LRP5: variants seen among roughly 807,000 people sequenced by gnomAD.
LRP5 encodes the protein LDL receptor related protein 5.
In LRP5, 62 loss-of-function variants were observed where a neutral mutation model predicts 154.1. The observed-to-expected ratio is 0.40, with a 90% confidence interval of 0.33 to 0.50. The LOEUF (loss-of-function observed/expected upper bound fraction) is 0.50. LRP5 is among the 20% of genes least tolerant of loss of function. The probability of loss-of-function intolerance (pLI) is 0.55; values close to 1 mark genes in which losing one functional copy is unlikely to be tolerated. For synonymous variants in LRP5, 966 were observed against 1,011.5 expected (o/e 0.96, Z 0.85); for missense variants, 1,915 against 2,336.7 (o/e 0.82, Z 3.72).
chr11:68,416,221 C>G (rs539596848), intron 12 of LRP5, 107 bp from the exon 13 acceptor site: 7 of 922,994 alleles, frequency 7.6e-6, no homozygotes, highest in Non-Finnish European at 1.2e-5. Flanking sequence ...GGACCTCCAG[C>G]GGGGCAGATG....
chr11:68,300,430 G>A, the LRP5 span, among the ~76,000 whole-genome samples: 1 of 149,240 alleles, frequency 6.7e-6, no homozygotes, highest in African/African-American at 2.4e-5. Context: ...AGGAATCAGG[G>A]GCATTAAGGT....
chr11:68,381,540 G>T (rs114849264), intron 5 of LRP5, among the ~76,000 whole-genome samples: 2 of 152,242 alleles, frequency 1.3e-5, no homozygotes, highest in Admixed American at 1.3e-4. Context: ...AAGGGATGTC[G>T]CCCTTCTCTC....
intron 1 of LRP5, among the ~76,000 whole-genome samples, chr11:68,321,014 C>T (rs1438728218): frequency 1.3e-5 from 2 of 148,848 alleles, no homozygotes; most frequent in Non-Finnish European, 3.0e-5. Flanking sequence ...TCTTCCAGGA[C>T]TGTTACTGTT....
chr11:68,409,691 A>G (rs1369189870), intron 9 of LRP5, among the ~76,000 whole-genome samples: 1 of 148,318 alleles, frequency 6.7e-6, no homozygotes, highest in East Asian at 2.0e-4. Flanking sequence ...TACTAAGAAT[A>G]CAAAAAAATT....
At chr11:68,399,687 G>A (rs193268539) in intron 7 of LRP5, among the ~76,000 whole-genome samples, 3 of 152,280 alleles carry the variant, frequency 2.0e-5, no homozygotes, top group African/African-American at 4.8e-5. Flanking sequence ...GGCTTGGCTC[G>A]GCTCAGGCAT....
rs368976719 is a variant in LRP5 at position 68,345,675 on chromosome 11, G to A, written c.92-2172G>A. The stretch of plus-strand genomic sequence containing the variant: ...GTGTCCCTGTTTTCAGTTCTTTTGG[G>A]TATATAACCCAAAGCGAAATTGCTG... On this transcript the variant is annotated intron_variant, in intron 1 of 22. Transcript: ENST00000294304. 3.5e-4 allele frequency among the ~76,000 whole-genome samples: 53 copies of A among 152,258 alleles called. No homozygotes were observed. The South Asian group carries it at 4.4e-3, about 13-fold the overall frequency.
the LRP5 span, among the ~76,000 whole-genome samples, chr11:68,298,442 T>C: frequency 1.3e-5 from 2 of 152,210 alleles, no homozygotes; most frequent in Non-Finnish European, 2.9e-5. Flanking sequence ...TACCAACATG[T>C]AGGGAAAACC....
intron 1 of LRP5, among the ~76,000 whole-genome samples, chr11:68,336,631 G>A (rs555822270): frequency 2.0e-5 from 3 of 152,156 alleles, no homozygotes; most frequent in African/African-American, 7.2e-5. Context: ...ACCACATCTG[G>A]CTAATTTTTG....
intron 21 of LRP5, among the ~76,000 whole-genome samples, chr11:68,444,602 G>A (rs2098680457): frequency 8.1e-6 from 1 of 124,036 alleles, no homozygotes; most frequent in Non-Finnish European, 1.6e-5. Flanking sequence ...CCGAGATCCA[G>A]TCCTCTTTGA....
At position 68,413,071 on chromosome 11, in the gene LRP5, G is replaced by C; in HGVS notation, c.2504-618G>C. 1 of 188,166 alleles carries C rather than the reference G, an allele frequency of 5.3e-6. No homozygotes were observed. Among genetic ancestry groups the C allele is most frequent in the Non-Finnish European group, 1.1e-5 (1 of 89,120 alleles). 11.7% of individuals were successfully genotyped at this position (188,166 alleles called of 1,614,324 possible). A position where few individuals can be genotyped will look rare whatever the true frequency, so the allele number is the denominator to read the frequency against. ...AAGGTTTGCACGTGACTTCGTGACC[G>C]TCACCCAGCTCTGCAGCACATCCCG... On this transcript the variant is annotated intron_variant, in intron 11 of 22. Transcript: ENST00000294304. The surrounding 1 kb of genome is among the most constrained non-coding windows in gnomAD (Gnocchi z 5.1).
In LRP5 at chr11:68,347,696, T is replaced by C. The variant is rs1017208151; in HGVS notation, c.92-151T>C. ...GGCCGGGGCTGCCCAGGCAACTTCC[T>C]GACAACGCCTTAGGGGTGGGAGGAA... On this transcript the variant is annotated intron_variant, in intron 1 of 22. Coordinates refer to ENST00000294304, the MANE Select transcript of LRP5 (RefSeq NM_002335.4). The C allele has an allele frequency of 4.1e-6, 4 of 966,254 alleles. No individual in the cohort carries two copies. The Admixed American group carries it at 5.7e-5, about 14-fold the overall frequency. The allele number at this position is 966,254 out of a possible 1,614,324, so 59.9% of individuals were successfully genotyped here. A position where few individuals can be genotyped will look rare whatever the true frequency, so the allele number is the denominator to read the frequency against.
rs750568668 is a variant in LRP5, at chr11:68,410,898, T to TTTTAGAG, written c.2319-538_2319-537insTTTAGAG. 5.8e-4 allele frequency among the ~76,000 whole-genome samples: 89 copies of TTTTAGAG among 152,178 alleles called. No homozygotes were observed. In the Middle Eastern group the frequency reaches 0.014, roughly 23 times the overall value. ...AGGATGGCAGGACAACAGAAAGAGG[T>TTTTAGAG]CCAGGTTTTAGAGCAAGGGCAGGTC... On this transcript the variant is annotated intron_variant, in intron 10 of 22. Coordinates refer to ENST00000294304, the MANE Select transcript of LRP5 (RefSeq NM_002335.4).
chr11:68,323,829 C>T (rs112812085), intron 1 of LRP5, among the ~76,000 whole-genome samples: 1 of 152,224 alleles, frequency 6.6e-6, no homozygotes, highest in African/African-American at 2.4e-5. Flanking sequence ...GGTTATGCCC[C>T]CGGGAGTTCA....
At chr11:68,360,651 C>T (rs1420993946) in intron 3 of LRP5, among the ~76,000 whole-genome samples, 1 of 152,224 alleles carries the variant, frequency 6.6e-6, no homozygotes, top group Admixed American at 6.5e-5. Context: ...TGAGGCAGAG[C>T]ATGGCCCAGG....
At chr11:68,332,535 C>T (rs554251338) in intron 1 of LRP5, among the ~76,000 whole-genome samples, 10 of 152,310 alleles carry the variant, frequency 6.6e-5, no homozygotes, top group African/African-American at 1.2e-4. Flanking sequence ...GGCGGGCTTA[C>T]GGAGGACGTG....
chr11:68,408,340 C>G (rs2098656933), intron 9 of LRP5, among the ~76,000 whole-genome samples: 1 of 151,340 alleles, frequency 6.6e-6, no homozygotes, highest in Non-Finnish European at 1.5e-5. Flanking sequence ...CCTCAGCCTC[C>G]CAAAGTGCTG....
intron 1 of LRP5, among the ~76,000 whole-genome samples, chr11:68,335,567 A>G (rs76942261): frequency 6.6e-6 from 1 of 152,160 alleles, no homozygotes; most frequent in Admixed American, 6.5e-5. Context: ...CTGTCTCTAA[A>G]AAGCACCTTA....
chr11:68,428,760 G>T (rs1027589267), intron 16 of LRP5, among the ~76,000 whole-genome samples: 1 of 143,092 alleles, frequency 7.0e-6, no homozygotes, highest in Non-Finnish European at 1.5e-5. Flanking sequence ...TTTCTGGGGG[G>T]CACTATCCAA....
intron 2 of LRP5, among the ~76,000 whole-genome samples, chr11:68,350,953 C>CGT (rs2098617932): frequency 6.6e-6 from 1 of 151,816 alleles, no homozygotes; most frequent in African/African-American, 2.4e-5. Context: ...TGTGTGTGTC[C>CGT]GTGTGTGTGC....
Sources: gnomAD v4.1 joint callset for allele counts (sites outside exome capture counted in the v4.1 genomes callset) on GRCh38, gnomAD v4.1.1 for gene constraint, Gnocchi (gnomAD v3.1) non-coding constraint, MANE v1.5 for transcripts, NCBI Gene and HGNC (gene_info 2026-07-23, HGNC 2026-07-21) for gene names.